Variants in NDRG2 observed in about 807,000 individuals in gnomAD.
The protein encoded by NDRG2 is protein NDRG2.
In NDRG2, 34 loss-of-function variants were observed where a neutral mutation model predicts 58.2. The observed-to-expected ratio is 0.58, with a 90% CI of 0.44 to 0.78. NDRG2 has a LOEUF of 0.78. Ranked by LOEUF, NDRG2 falls within the 30% of genes least tolerant of loss-of-function variation. The probability of loss-of-function intolerance (pLI) is 0.00; values close to 1 mark genes in which losing one functional copy is unlikely to be tolerated. For missense variants in NDRG2, 434 were observed against 471.2 expected (o/e 0.92, Z 0.73); for synonymous variants, 187 against 175.9 (o/e 1.06, Z -0.50).
At chr14:21,041,353 C>T (rs1470363545) in intron 1 of NDRG2, among the ~76,000 whole-genome samples, 1 of 152,114 alleles carries the variant, frequency 6.6e-6, no homozygotes, top group Non-Finnish European at 1.5e-5. Context: ...AGTAGATGCT[C>T]GATAAATGTT....
At chr14:21,058,588 G>A (rs1360820825) in intron 1 of NDRG2, 1 of 537,016 alleles carries the variant, frequency 1.9e-6, no homozygotes. Flanking sequence ...AGCCCTTCCA[G>A]AGTCAAGCAC....
Position 21,067,418 on chromosome 14 carries a change from C to A in NDRG2, c.24+3410G>T, listed in dbSNP as rs142916080. On this transcript the variant is annotated intron_variant, in intron 1 of 14. Coordinates refer to the NDRG2 transcript ENST00000403829. The stretch of plus-strand genomic sequence containing the variant: ...TGGTGATGTGGTGTTTAAAACTCTT[C>A]TTTTATGAACTTTGACAGCTTAGAT... Among the ~76,000 whole-genome samples the A allele has an allele frequency of 2.4e-3, 365 of 152,256 alleles. 2 individuals carry two copies. The highest frequency in any genetic ancestry group is 8.5e-3 in the African/African-American group (355 of 41,530).
intron 1 of NDRG2, chr14:21,048,522 T>C (rs921785107): frequency 1.3e-5 from 2 of 152,224 alleles, no homozygotes; most frequent in Non-Finnish European, 2.9e-5. Context: ...CTCCCAAAAC[T>C]GCTGAGATTA....
At chr14:21,030,662 C>T (rs1461861655), upstream of NDRG2, 4 of 1,614,008 alleles carry the variant, frequency 2.5e-6, no homozygotes, top group African/African-American at 2.7e-5. Flanking sequence ...AAATGAACAA[C>T]AAGAACTTCT....
chr14:21,058,415 C>T (rs1885783457), intron 1 of NDRG2: 2 of 1,263,858 alleles, frequency 1.6e-6, no homozygotes, highest in East Asian at 4.7e-5. Flanking sequence ...TGCTTTTCCT[C>T]CCTCCAGTTC....
At chr14:21,037,120 C>T (rs1204748797) in intron 1 of NDRG2, among the ~76,000 whole-genome samples, 1 of 58,362 alleles carries the variant, frequency 1.7e-5, no homozygotes, top group Non-Finnish European at 3.3e-5. Context: ...GCTCTTCGCT[C>T]CCCCCACCCA....
intron 1 of NDRG2, among the ~76,000 whole-genome samples, chr14:21,031,656 T>C (rs1392928937): frequency 6.6e-5 from 10 of 151,722 alleles, no homozygotes; most frequent in Non-Finnish European, 1.5e-5. Context: ...AAACCTACCC[T>C]CCCTCTGCAC....
chr14:21,033,288 T>G, intron 1 of NDRG2: 1 of 311,130 alleles, frequency 3.2e-6, no homozygotes, highest in Non-Finnish European at 6.2e-6. Context: ...AAACTGGGGG[T>G]TGTGGGGAAG....
intron 1 of NDRG2, among the ~76,000 whole-genome samples, chr14:21,045,133 T>C (rs1323847468): frequency 6.6e-6 from 1 of 152,082 alleles, no homozygotes; most frequent in Non-Finnish European, 1.5e-5. Flanking sequence ...CCAAGGCAAA[T>C]ACCCCCACTA....
intron 1 of NDRG2, chr14:21,033,913 TGTA>T: frequency 6.2e-7 from 1 of 1,614,066 alleles, no homozygotes; most frequent in Non-Finnish European, 8.5e-7. Context: ...AGGGTGCTAT[TGTA>T]GTAGCAGCTA....
chr14:21,043,129 C>G, intron 1 of NDRG2: 1 of 1,614,150 alleles, frequency 6.2e-7, no homozygotes. Context: ...CACATGCAGC[C>G]CAGCCCTCAA....
chr14:21,038,156 C>T (rs887991507), intron 1 of NDRG2, among the ~76,000 whole-genome samples: 4 of 152,198 alleles, frequency 2.6e-5, no homozygotes, highest in Non-Finnish European at 4.4e-5. Flanking sequence ...AGTCTAGAAG[C>T]CGCATTGTCA....
chr14:21,031,919 CG>C (rs1566487895), intron 1 of NDRG2: 1 of 1,614,062 alleles, frequency 6.2e-7, no homozygotes, highest in Non-Finnish European at 8.5e-7. Context: ...TGCAGTGGAC[CG>C]TTTGACAGAC....
At chr14:21,023,479 A>G in intron 1 of NDRG2, 158 bp from the exon 2 acceptor site, 1 of 633,736 alleles carries the variant, frequency 1.6e-6, no homozygotes. Context: ...TCCTGCCCCC[A>G]GCTCCGTTTC....
In NDRG2 at chr14:21,024,719, G is replaced by A; in HGVS notation, c.-696C>T. The A allele has an allele frequency of 3.0e-6, 3 of 985,480 alleles. No individual in the cohort carries two copies. Among genetic ancestry groups the A allele is most frequent in the Non-Finnish European group, 2.4e-6 (2 of 829,982 alleles). 61.0% of individuals were successfully genotyped at this position (985,480 alleles called of 1,614,324 possible). A position where few individuals can be genotyped will look rare whatever the true frequency, so the allele number is the denominator to read the frequency against. On this transcript the variant is annotated 5_prime_UTR_variant, in exon 1 of 16. Transcript: ENST00000556147. ...ATCGGGAAGGGATGGGTAGGACAGA[G>A]GAGACCGGCCGGGCCCAGCACCCGG...
At chr14:21,041,184 A>T (rs963474649) in intron 1 of NDRG2, among the ~76,000 whole-genome samples, 1 of 152,076 alleles carries the variant, frequency 6.6e-6, no homozygotes, top group Admixed American at 6.6e-5. Context: ...TTATAGAGAC[A>T]GGGTTTCGCC....
rs4981349 is a variant in NDRG2, at chr14:21,018,228, G to C, written c.873C>G (p.Ser291=). 2 of 1,613,634 alleles carry C rather than the reference G, an allele frequency of 1.2e-6. No individual in the cohort carries two copies. Among genetic ancestry groups the C allele is most frequent in the Non-Finnish European group, 1.7e-6 (2 of 1,179,986 alleles). ...CCTGAGTCAGCTGGGGCTGACCTCC[G>C]GAGTCAGCCATCTGTTCAGGAGAGC... The part of the protein sequence containing the change: ...TQTSFLKMAD[S]GGQPQLTQPG... The change falls in exon 14 of 16, where the codon TCC becomes TCG. Residue 291 remains serine, a synonymous_variant. Coordinates refer to ENST00000556147, the MANE Select transcript of NDRG2 (RefSeq NM_001320329.2).
At chr14:21,063,369 A>G (rs1886077368) in intron 1 of NDRG2, among the ~76,000 whole-genome samples, 1 of 152,190 alleles carries the variant, frequency 6.6e-6, no homozygotes, top group African/African-American at 2.4e-5. Flanking sequence ...GCAAATATCT[A>G]TTGGCACAAA....
chr14:21,041,508 G>A (rs1381338169), intron 1 of NDRG2, among the ~76,000 whole-genome samples: 2 of 151,952 alleles, frequency 1.3e-5, no homozygotes, highest in African/African-American at 2.4e-5. Flanking sequence ...TTGGTGTCTC[G>A]GTTCTCCTGA....
Sources: allele counts gnomAD v4.1 joint callset (sites outside exome capture counted in the v4.1 genomes callset), GRCh38; gene constraint gnomAD v4.1.1; transcripts MANE v1.5; gene names NCBI Gene and HGNC (gene_info 2026-07-23, HGNC 2026-07-21).